The following LIFR variants were observed in gnomAD, a reference collection of about 807,000 sequenced individuals.
LIFR encodes LIF receptor subunit alpha, also known as leukemia inhibitory factor receptor.
LIFR carries 84 observed loss-of-function variants against 122.2 expected under a neutral mutation model. The ratio of observed to expected loss-of-function variants is 0.69; its 90% CI spans 0.58 to 0.82. The LOEUF (loss-of-function observed/expected upper bound fraction) is 0.82, where lower values mean the gene tolerates loss of function less well. Among genes scored for constraint, LIFR ranks in the 40% least tolerant of loss-of-function variants. The pLI, the probability that LIFR is intolerant of heterozygous loss-of-function variation, is 0.00. For missense variants in LIFR, 1,294 were observed against 1,311.6 expected (o/e 0.99, Z 0.21); for synonymous variants, 422 against 434.7 (o/e 0.97, Z 0.36).
upstream of LIFR, among the ~76,000 whole-genome samples, chr5:38,561,322 C>T (rs1748830247): frequency 6.6e-6 from 1 of 152,176 alleles, no homozygotes; most frequent in Non-Finnish European, 1.5e-5. Flanking sequence ...GAGACTCTTA[C>T]TGTGGTTGTT....
intron 7 of LIFR, 69 bp from the exon 8 acceptor site, chr5:38,506,701 C>G: frequency 7.5e-7 from 1 of 1,325,528 alleles, no homozygotes; most frequent in Middle Eastern, 2.0e-4. Flanking sequence ...ATTTTATAAA[C>G]GTCAATGTTT....
rs3822427 is a variant in LIFR, at chr5:38,481,049, T to G, written c.*546A>C. ...AAACAAAACACTAAATCGCTGTCAC[T>G]ACATTAAAAATTATATTAATTTTTG... is the stretch of plus-strand genomic sequence containing the variant. On this transcript the variant is annotated 3_prime_UTR_variant, in exon 20 of 20. Coordinates refer to ENST00000453190, the MANE Select transcript of LIFR (RefSeq NM_001127671.2). 4,597 of 229,808 alleles carry G rather than the reference T, an allele frequency of 0.02. 524 individuals are homozygous for G. In the East Asian group the frequency reaches 0.25, roughly 13 times the overall value. 14.2% of individuals were successfully genotyped at this position (229,808 alleles called of 1,614,324 possible).
intron 1 of LIFR, 56 bp downstream of exon 1, chr5:38,556,278 T>TCGGGGCTC (rs1471881955): frequency 2.0e-5 from 3 of 151,186 alleles, no homozygotes; most frequent in South Asian, 2.1e-4. Flanking sequence ...GGGACCCCGC[T>TCGGGGCTC]CGGGGCTCCG....
chr5:38,572,675 T>G (rs2112719386), intron 1 of LIFR, among the ~76,000 whole-genome samples: 1 of 152,308 alleles, frequency 6.6e-6, no homozygotes, highest in East Asian at 1.9e-4. Context: ...GGCAGTCATT[T>G]CCAATCCATG....
chr5:38,597,030 A>C (rs1443572521), upstream of LIFR, among the ~76,000 whole-genome samples: 1 of 152,278 alleles, frequency 6.6e-6, no homozygotes, highest in Admixed American at 6.5e-5. Flanking sequence ...GAGGAAGCCC[A>C]GCTTCTGATA....
chr5:38,564,719 A>G (rs1748950405), intron 1 of LIFR, among the ~76,000 whole-genome samples: 1 of 146,314 alleles, frequency 6.8e-6, no homozygotes, highest in African/African-American at 2.5e-5. Context: ...CACACAATAT[A>G]TATATACACA....
At chr5:38,603,559 G>A (rs144364616) in intron 2 of LIFR, among the ~76,000 whole-genome samples, 15 of 152,296 alleles carry the variant, frequency 9.8e-5, no homozygotes, top group African/African-American at 2.9e-4. Context: ...TCCTTACAAC[G>A]TATGTGCAAG....
chr5:38,570,575 A>T (rs560254132), intron 1 of LIFR, among the ~76,000 whole-genome samples: 2 of 152,348 alleles, frequency 1.3e-5, no homozygotes, highest in South Asian at 4.1e-4. Context: ...GTTGCAAGAA[A>T]AAAAAAGTAC....
intron 8 of LIFR, 139 bp from the exon 9 acceptor site, chr5:38,506,213 A>C (rs1221062620): frequency 1.5e-6 from 1 of 646,048 alleles, no homozygotes; most frequent in African/African-American, 1.8e-5. Context: ...AGAGAAGAAA[A>C]TGTATGTGAT....
rs1335662518 is a variant in LIFR, at chr5:38,506,612, G to C, written c.1012C>G (p.Gln338Glu). The change falls in exon 8 of 20, where the codon CAA (glutamine) becomes GAA (glutamate). Residue 338 changes from glutamine to glutamate, a missense_variant. Gln to Glu is a conservative substitution (Grantham distance 29). Transcript: ENST00000453190. The stretch of plus-strand genomic sequence containing the variant: ...AAATCATGTGTCTCACAATTCAGTT[G>C]TTGAGGAGTATCTGGTGGATCTAAC... ...FAGYPPDTPQ[Q>E]LNCETHDLKE... 2 of 1,612,894 alleles carry C rather than the reference G, an allele frequency of 1.2e-6. No homozygotes were observed. The highest frequency in any genetic ancestry group is 1.7e-5 in the Admixed American group (1 of 59,986).
intron 11 of LIFR, among the ~76,000 whole-genome samples, chr5:38,500,753 C>T (rs1284834501): frequency 6.6e-6 from 1 of 152,216 alleles, no homozygotes; most frequent in Non-Finnish European, 1.5e-5. Context: ...GCAAAAACTA[C>T]AGTGGCTAGT....
chr5:38,558,101 A>C (rs1305704003), upstream of LIFR: 2 of 152,110 alleles, frequency 1.3e-5, no homozygotes, highest in African/African-American at 4.8e-5. Context: ...TCAAATCAGA[A>C]GGAAAAAAAA....
At chr5:38,487,861 T>C (rs1425350975) in intron 16 of LIFR, among the ~76,000 whole-genome samples, 1 of 152,206 alleles carries the variant, frequency 6.6e-6, no homozygotes, top group Admixed American at 6.5e-5. Flanking sequence ...CAAGGCCTGG[T>C]CTGGCAGGTA....
intron 1 of LIFR, among the ~76,000 whole-genome samples, chr5:38,588,727 C>T (rs1057242747): frequency 1.3e-5 from 2 of 152,140 alleles, no homozygotes; most frequent in African/African-American, 4.8e-5. Flanking sequence ...AGATATTGTC[C>T]TTACAATGCT....
upstream of LIFR, among the ~76,000 whole-genome samples, chr5:38,596,699 T>C (rs545350704): frequency 6.6e-6 from 1 of 152,310 alleles, no homozygotes; most frequent in African/African-American, 2.4e-5. Context: ...TTCACCTTGT[T>C]AGATAACTTC....
At chr5:38,594,558 G>A (rs1199491803) in intron 1 of LIFR, among the ~76,000 whole-genome samples, 4 of 152,056 alleles carry the variant, frequency 2.6e-5, no homozygotes, top group Admixed American at 2.6e-4. Context: ...GGACAGGGTG[G>A]GCAGGGGTAT....
chr5:38,520,867 G>A (rs1259648007), intron 5 of LIFR, among the ~76,000 whole-genome samples: 1 of 152,138 alleles, frequency 6.6e-6, no homozygotes, highest in African/African-American at 2.4e-5. Flanking sequence ...AAGTTGAGTA[G>A]TGTGATGTCT....
intron 5 of LIFR, among the ~76,000 whole-genome samples, chr5:38,513,744 A>T (rs1181284732): frequency 2.0e-5 from 3 of 152,132 alleles, no homozygotes; most frequent in African/African-American, 7.2e-5. Flanking sequence ...GCCCATCCTC[A>T]TCACTCTAGA....
At chr5:38,550,388 A>T (rs139297203) in intron 1 of LIFR, 1 of 193,030 alleles carries the variant, frequency 5.2e-6, no homozygotes, top group East Asian at 1.9e-4. Context: ...ATGATACCAG[A>T]TACCAGTAGG....
Sources: allele counts gnomAD v4.1 joint callset (sites outside exome capture counted in the v4.1 genomes callset), GRCh38; gene constraint gnomAD v4.1.1; transcripts MANE v1.5; gene names NCBI Gene and HGNC (gene_info 2026-07-23, HGNC 2026-07-21).